Variants in SLIT3 observed in about 807,000 individuals in gnomAD.
The protein encoded by SLIT3 is slit guidance ligand 3, also known as slit homolog 3 protein.
Under a neutral mutation model 184.0 loss-of-function variants are expected in SLIT3, and 68 were observed. That is an observed-to-expected ratio of 0.37 (90% confidence interval 0.30 to 0.45). The LOEUF is 0.45. Ranked by LOEUF, SLIT3 falls within the 20% of genes least tolerant of loss-of-function variation. The pLI, the probability that SLIT3 is intolerant of heterozygous loss-of-function variation, is 1.00. For missense variants in SLIT3, 1,707 were observed against 2,026.0 expected, an observed-to-expected ratio of 0.84 and a Z score of 3.02; for synonymous variants, 831 against 828.6, an observed-to-expected ratio of 1.00 and a Z score of -0.05.
At chr5:168,882,654 C>T (rs570206855) in intron 5 of SLIT3, among the ~76,000 whole-genome samples, 1 of 152,188 alleles carries the variant, frequency 6.6e-6, no homozygotes, top group African/African-American at 2.4e-5. Context: ...AGTATACGGA[C>T]TTGTCTACTA....
At chr5:169,090,483 A>C (rs1759536310) in intron 4 of SLIT3, among the ~76,000 whole-genome samples, 1 of 152,162 alleles carries the variant, frequency 6.6e-6, no homozygotes, top group South Asian at 2.1e-4. Flanking sequence ...CAGGGCCAGG[A>C]TCGGCAGGCC....
intron 29 of SLIT3, among the ~76,000 whole-genome samples, chr5:168,691,092 ACTT>A (rs1182747893): frequency 2.0e-5 from 3 of 152,104 alleles, no homozygotes; most frequent in Admixed American, 6.5e-5. Context: ...GGGGCCTAGA[ACTT>A]CTTTCTTTTC....
At chr5:169,217,141 A>T (rs1311512375) in intron 3 of SLIT3, among the ~76,000 whole-genome samples, 1 of 148,176 alleles carries the variant, frequency 6.7e-6, no homozygotes, top group African/African-American at 2.4e-5. Flanking sequence ...AAAAAAAAAA[A>T]AAAAAAAAAA....
chr5:169,173,935 C>T (rs1762892402), intron 4 of SLIT3, among the ~76,000 whole-genome samples: 1 of 152,200 alleles, frequency 6.6e-6, no homozygotes, highest in African/African-American at 2.4e-5. Context: ...CCCCAGGCCC[C>T]ATCCACAGTG....
At chr5:169,214,109 T>C (rs1288595270) in intron 3 of SLIT3, among the ~76,000 whole-genome samples, 1 of 135,008 alleles carries the variant, frequency 7.4e-6, no homozygotes, top group African/African-American at 2.9e-5. Context: ...ATCTGTTAAA[T>C]GGAAAGAAGA....
At chr5:169,207,070 A>G (rs1474050991) in intron 3 of SLIT3, among the ~76,000 whole-genome samples, 2 of 148,972 alleles carry the variant, frequency 1.3e-5, no homozygotes, top group African/African-American at 2.5e-5. Context: ...ATGCTTTTCC[A>G]GCACGGGAAG....
chr5:169,044,602 G>A (rs114663114), intron 4 of SLIT3, among the ~76,000 whole-genome samples: 11,708 of 150,320 alleles, frequency 0.078, 553 homozygotes, highest in African/African-American at 0.12. Context: ...GGGGGGATGG[G>A]GAGAAATTGT....
At chr5:168,958,760 G>T (rs867406265) in intron 4 of SLIT3, among the ~76,000 whole-genome samples, 4 of 152,232 alleles carry the variant, frequency 2.6e-5, no homozygotes, top group Non-Finnish European at 2.9e-5. Context: ...TCAATGGTTT[G>T]TGTGTGCTGT....
At chr5:168,990,814 G>A (rs1048247031) in intron 4 of SLIT3, among the ~76,000 whole-genome samples, 5 of 152,194 alleles carry the variant, frequency 3.3e-5, no homozygotes, top group African/African-American at 7.2e-5. Context: ...GCTCCAGGGA[G>A]GTCTTAGAGA....
intron 8 of SLIT3, among the ~76,000 whole-genome samples, chr5:168,813,779 T>C (rs975368706): frequency 1.3e-5 from 2 of 152,190 alleles, no homozygotes; most frequent in African/African-American, 4.8e-5. Context: ...AAGGGAGATA[T>C]CAGGCACTTG....
chr5:169,205,673 T>C (rs1202877324), intron 3 of SLIT3, among the ~76,000 whole-genome samples: 2 of 152,228 alleles, frequency 1.3e-5, no homozygotes, highest in Non-Finnish European at 2.9e-5. Flanking sequence ...GAGGAACAGA[T>C]GAGCCAAAGG....
At chr5:168,856,806 T>TGTGTGTGTGTGC (rs374432432) in intron 5 of SLIT3, among the ~76,000 whole-genome samples, 46 of 137,822 alleles carry the variant, frequency 3.3e-4, no homozygotes, top group East Asian at 1.6e-3. Flanking sequence ...TGTGTGTGTG[T>TGTGTGTGTGTGC]GCGCGCGCGC....
chr5:168,703,449 C>T (rs550969162), intron 26 of SLIT3, among the ~76,000 whole-genome samples: 14 of 152,178 alleles, frequency 9.2e-5, no homozygotes, highest in South Asian at 4.2e-4. Context: ...TCAGCCGTGG[C>T]GTTAGATTCT....
chr5:168,924,499 T>TAAGG (rs1562008922), intron 4 of SLIT3, among the ~76,000 whole-genome samples: 7 of 135,264 alleles, frequency 5.2e-5, no homozygotes, highest in Admixed American at 4.2e-4. Flanking sequence ...TAAGGGTGTG[T>TAAGG]GTGTGTGTAT....
At chr5:168,824,974 C>T (rs1757652815) in intron 6 of SLIT3, among the ~76,000 whole-genome samples, 1 of 152,220 alleles carries the variant, frequency 6.6e-6, no homozygotes, top group Non-Finnish European at 1.5e-5. Flanking sequence ...CTGTGCATTA[C>T]CATAGCCTCA....
intron 1 of SLIT3, among the ~76,000 whole-genome samples, chr5:169,283,655 C>G (rs1487316975): frequency 6.6e-6 from 1 of 152,148 alleles, no homozygotes; most frequent in East Asian, 1.9e-4. Flanking sequence ...GACTGAGGGA[C>G]TTATGACAAT....
intron 5 of SLIT3, among the ~76,000 whole-genome samples, chr5:168,858,282 C>A (rs1019539235): frequency 1.3e-5 from 2 of 152,164 alleles, no homozygotes; most frequent in African/African-American, 4.8e-5. Context: ...AGAGAATGGG[C>A]CTTCTAGGAC....
chr5:169,219,965 G>A (rs1423822945), intron 3 of SLIT3, among the ~76,000 whole-genome samples: 1 of 152,102 alleles, frequency 6.6e-6, no homozygotes, highest in Non-Finnish European at 1.5e-5. Flanking sequence ...CATGGATACC[G>A]TGATTCGCTG....
intron 4 of SLIT3, among the ~76,000 whole-genome samples, chr5:168,915,776 G>A (rs1761415403): frequency 6.6e-6 from 1 of 152,032 alleles, no homozygotes. Context: ...GTATGGAACC[G>A]CATCGTTTTG....
Sources: gnomAD v4.1 joint callset for allele counts (sites outside exome capture counted in the v4.1 genomes callset) on GRCh38, gnomAD v4.1.1 for gene constraint, MANE v1.5 for transcripts, NCBI Gene and HGNC (gene_info 2026-07-23, HGNC 2026-07-21) for gene names.